RAD18: variants seen among roughly 807,000 people sequenced by gnomAD.
The protein encoded by RAD18 is RAD18 E3 ubiquitin protein ligase.
In RAD18, 47 loss-of-function variants were observed where a neutral mutation model predicts 60.4. The ratio of observed to expected loss-of-function variants is 0.78; its 90% CI spans 0.62 to 0.99. The LOEUF (loss-of-function observed/expected upper bound fraction) is 0.99, where lower values mean the gene tolerates loss of function less well. RAD18 is among the 50% of genes least tolerant of loss of function. The pLI is 0.00. For missense variants in RAD18, 640 were observed against 593.3 expected, an observed-to-expected ratio of 1.08 and a Z score of -0.82; for synonymous variants, 225 against 195.5, an observed-to-expected ratio of 1.15 and a Z score of -1.26.
At chr3:8,927,408 C>T (rs1940460872) in intron 7 of RAD18, among the ~76,000 whole-genome samples, 1 of 152,178 alleles carries the variant, frequency 6.6e-6, no homozygotes, top group Non-Finnish European at 1.5e-5. Flanking sequence ...AGTCAGGAAA[C>T]AACAGGTGCT....
At chr3:8,959,540 G>A (rs1265536550) in intron 1 of RAD18, among the ~76,000 whole-genome samples, 5 of 152,148 alleles carry the variant, frequency 3.3e-5, no homozygotes, top group South Asian at 2.1e-4. Flanking sequence ...CCTGTCTCCC[G>A]TCTGGCAGTC....
chr3:8,912,503 G>A (rs1167954639), intron 8 of RAD18, 131 bp from the exon 9 acceptor site: 3 of 558,280 alleles, frequency 5.4e-6, no homozygotes, highest in Non-Finnish European at 8.9e-6. Flanking sequence ...GTTTTATATA[G>A]ACCTAGGAAG....
At chr3:8,912,279 T>C (rs1413196585) in intron 9 of RAD18, 33 bp downstream of exon 9, 1 of 1,445,974 alleles carries the variant, frequency 6.9e-7, no homozygotes, top group Non-Finnish European at 9.4e-7. Flanking sequence ...CAACTGAAGC[T>C]CTTTACAAAT....
At chr3:8,898,360 A>T (rs546633679) in intron 11 of RAD18, among the ~76,000 whole-genome samples, 1 of 144,850 alleles carries the variant, frequency 6.9e-6, no homozygotes, top group South Asian at 2.4e-4. Flanking sequence ...CGGAACAAAA[A>T]CTGGTATGTG....
At chr3:8,929,762 C>T (rs1940518590) in intron 7 of RAD18, among the ~76,000 whole-genome samples, 1 of 152,070 alleles carries the variant, frequency 6.6e-6, no homozygotes, top group Non-Finnish European at 1.5e-5. Context: ...CTGTCTCAGC[C>T]TCCTGAGTAG....
intron 11 of RAD18, among the ~76,000 whole-genome samples, chr3:8,892,004 T>A (rs573661608): frequency 6.6e-6 from 1 of 152,314 alleles, no homozygotes; most frequent in East Asian, 1.9e-4. Flanking sequence ...AAATTATCAC[T>A]CAGATCGCTT....
intron 4 of RAD18, among the ~76,000 whole-genome samples, chr3:8,944,472 G>T (rs1355739586): frequency 6.6e-6 from 1 of 151,728 alleles, no homozygotes; most frequent in Non-Finnish European, 1.5e-5. Flanking sequence ...AGAGTTCGAG[G>T]TTACAGTGAA....
At chr3:8,914,058 T>C (rs79128001) in intron 7 of RAD18, among the ~76,000 whole-genome samples, 5 of 152,288 alleles carry the variant, frequency 3.3e-5, no homozygotes, top group African/African-American at 1.2e-4. Context: ...AGTTCAATTA[T>C]TAGGGGATGT....
intron 4 of RAD18, among the ~76,000 whole-genome samples, chr3:8,942,586 A>G (rs1423277594): frequency 6.6e-6 from 1 of 152,230 alleles, no homozygotes; most frequent in Non-Finnish European, 1.5e-5. Context: ...AACATGAAGT[A>G]GTCCAACATT....
In RAD18 at chr3:8,947,104, CTTT is replaced by C. The variant is rs1483349182; in HGVS notation, c.266+113_266+115del. 9.0e-6 allele frequency: 7 copies of C among 778,440 alleles called. No homozygotes were observed. In the East Asian group the frequency reaches 1.0e-4, roughly 12 times the overall value. The allele number at this position is 778,440 out of a possible 1,614,324, so 48.2% of individuals were successfully genotyped here. A position where few individuals can be genotyped will look rare whatever the true frequency, so the allele number is the denominator to read the frequency against. Reference sequence around the variant, plus strand: ...GTGAATAATGACTGTTACTTCCCTTCTTTGACTATAAAATATGCAACCCTGCAT... The same window carrying C: ...GTGAATAATGACTGTTACTTCCCTTCGACTATAAAATATGCAACCCTGCAT... On this transcript the variant is annotated intron_variant, in intron 4 of 12. Coordinates refer to ENST00000264926, the MANE Select transcript of RAD18 (RefSeq NM_020165.4).
rs1559804316 is a variant in RAD18, at chr3:8,958,998, T to C, written c.55A>G (p.Ile19Val). The change falls in exon 2 of 13, where the codon ATA becomes GTA. Residue 19 changes from isoleucine (I) to valine (V), a missense_variant. By Grantham distance (29) the Ile-to-Val change is conservative. Coordinates refer to ENST00000264926, the MANE Select transcript of RAD18 (RefSeq NM_020165.4). ...ATTCCACACCGCAGCAAATCATCTA[T>C]TGTCTGAAATGCAAATATGCATATA... ...WPPGLAVMKT[I>V]DDLLRCGICF... The C allele has an allele frequency of 6.2e-7, 1 of 1,613,202 alleles. No individual in the cohort carries two copies. Among genetic ancestry groups the C allele is most frequent in the Non-Finnish European group, 8.5e-7 (1 of 1,179,206 alleles).
chr3:8,882,443 A>G (rs1939483762), intron 12 of RAD18, among the ~76,000 whole-genome samples: 1 of 152,194 alleles, frequency 6.6e-6, no homozygotes, highest in African/African-American at 2.4e-5. Flanking sequence ...TTGGTCAAGT[A>G]GCCAGATACC....
At chr3:8,909,409 G>C (rs529146673) in intron 9 of RAD18, among the ~76,000 whole-genome samples, 1 of 152,062 alleles carries the variant, frequency 6.6e-6, no homozygotes, top group Non-Finnish European at 1.5e-5. Context: ...GGCAAGAGTA[G>C]ATGGGGGATG....
intron 2 of RAD18, among the ~76,000 whole-genome samples, chr3:8,952,990 A>ATCAAAAT (rs1324450928): frequency 6.6e-5 from 10 of 152,150 alleles, no homozygotes; most frequent in African/African-American, 2.4e-4. Context: ...CTGGGAAAAG[A>ATCAAAAT]TCAAAATTCA....
At chr3:8,958,765 C>T (rs1941050190) in intron 2 of RAD18, among the ~76,000 whole-genome samples, 155 bp downstream of exon 2, 2 of 152,096 alleles carry the variant, frequency 1.3e-5, no homozygotes, top group African/African-American at 4.8e-5. Context: ...CTTCAATATT[C>T]AAGAGGAAGG....
chr3:8,927,121 C>T (rs1009281095), intron 7 of RAD18, among the ~76,000 whole-genome samples: 1 of 152,208 alleles, frequency 6.6e-6, no homozygotes, highest in Admixed American at 6.5e-5. Context: ...AGTGAGCAGG[C>T]AACCTACAGA....
chr3:8,932,971 C>A (rs1252666360), intron 7 of RAD18, among the ~76,000 whole-genome samples: 1 of 152,028 alleles, frequency 6.6e-6, no homozygotes, highest in Non-Finnish European at 1.5e-5. Context: ...TGGCAGGCAC[C>A]TGTAGTCCCA....
At chr3:8,909,687 C>T (rs183292241) in intron 9 of RAD18, among the ~76,000 whole-genome samples, 3 of 152,234 alleles carry the variant, frequency 2.0e-5, no homozygotes, top group Admixed American at 6.5e-5. Flanking sequence ...CAATAATAAA[C>T]GGGTTATTTC....
At chr3:8,947,913 C>T (rs45527931) in intron 3 of RAD18, among the ~76,000 whole-genome samples, 31 of 152,316 alleles carry the variant, frequency 2.0e-4, no homozygotes, top group African/African-American at 7.2e-4. Flanking sequence ...ACCAGAGAGG[C>T]AAAACTAACC....
Sources: gnomAD v4.1 joint callset for allele counts (sites outside exome capture counted in the v4.1 genomes callset) on GRCh38, gnomAD v4.1.1 for gene constraint, MANE v1.5 for transcripts, NCBI Gene and HGNC (gene_info 2026-07-23, HGNC 2026-07-21) for gene names.